The following ROBO2 variants were observed in gnomAD, a reference collection of about 807,000 sequenced individuals.
The protein encoded by ROBO2 is roundabout guidance receptor 2, also known as roundabout homolog 2.
A neutral mutation model predicts 160.8 loss-of-function variants in ROBO2; 53 were observed. The observed-to-expected ratio is 0.33, with a 90% CI of 0.26 to 0.41. The LOEUF is 0.41. ROBO2 is among the 10% of genes least tolerant of loss of function. The pLI, the probability that ROBO2 is intolerant of heterozygous loss-of-function variation, is 1.00. For synonymous variants in ROBO2, 664 were observed against 611.7 expected (o/e 1.09, Z -1.26); for missense variants, 1,577 against 1,722.4 (o/e 0.92, Z 1.49).
rs113068361 is a variant in ROBO2 at position 76,541,082 on chromosome 3, G to C, written c.110-556932G>C. Among the ~76,000 whole-genome samples, 1,197 of 152,312 alleles carry C rather than the reference G, an allele frequency of 7.9e-3. 17 individuals are homozygous for C. Among genetic ancestry groups the C allele is most frequent in the African/African-American group, 0.026 (1,095 of 41,550 alleles). On this transcript the variant is annotated intron_variant, in intron 2 of 26. Coordinates refer to the ROBO2 transcript ENST00000487694. ...CCCAGAATGCTGTGACTACAGGCATGAGCCATCAAATGAAGCCAATTCGAC... is the reference window on the plus strand; with the variant it reads ...CCCAGAATGCTGTGACTACAGGCATCAGCCATCAAATGAAGCCAATTCGAC...
intron 5 of ROBO2, among the ~76,000 whole-genome samples, chr3:77,516,621 A>G (rs529888905): frequency 8.6e-5 from 13 of 151,756 alleles, no homozygotes; most frequent in Non-Finnish European, 1.3e-4. Context: ...TTTATTAATG[A>G]TAATATGTAA....
chr3:76,346,978 G>A (rs150450459), intron 2 of ROBO2, among the ~76,000 whole-genome samples: 1 of 152,178 alleles, frequency 6.6e-6, no homozygotes, highest in East Asian at 1.9e-4. Flanking sequence ...GCTTGAAGAA[G>A]GTTATGCCTA....
At chr3:77,034,551 C>A (rs1189346490) in intron 2 of ROBO2, among the ~76,000 whole-genome samples, 1 of 151,828 alleles carries the variant, frequency 6.6e-6, no homozygotes, top group African/African-American at 2.4e-5. Context: ...ATTACATGTA[C>A]CCTTGGATTA....
intron 2 of ROBO2, among the ~76,000 whole-genome samples, chr3:76,031,380 C>T (rs535398887): frequency 1.1e-4 from 17 of 152,256 alleles, no homozygotes; most frequent in African/African-American, 3.1e-4. Context: ...ATTGCCCTGG[C>T]CAGAACTTCC....
At chr3:77,563,503 A>G (rs2093392960) in intron 11 of ROBO2, among the ~76,000 whole-genome samples, 174 bp downstream of exon 12, 1 of 152,174 alleles carries the variant, frequency 6.6e-6, no homozygotes, top group Non-Finnish European at 1.5e-5. Context: ...TTTAGTTTAC[A>G]ACTTAATTAT....
chr3:76,516,160 T>C (rs1472260529), intron 2 of ROBO2, among the ~76,000 whole-genome samples: 1 of 152,172 alleles, frequency 6.6e-6, no homozygotes, highest in African/African-American at 2.4e-5. Context: ...AATAGATTTG[T>C]TACAATCTTG....
intron 2 of ROBO2, among the ~76,000 whole-genome samples, chr3:76,220,214 T>C (rs1253835457): frequency 6.7e-6 from 1 of 149,962 alleles, no homozygotes; most frequent in Non-Finnish European, 1.5e-5. Flanking sequence ...CATTAGGAGA[T>C]ATACCTAATG....
intron 2 of ROBO2, among the ~76,000 whole-genome samples, chr3:75,980,256 C>T (rs946351864): frequency 6.6e-6 from 1 of 151,562 alleles, no homozygotes; most frequent in African/African-American, 2.4e-5. Flanking sequence ...ATGAGCCTCC[C>T]TCTCTGCCTT....
intron 2 of ROBO2, among the ~76,000 whole-genome samples, chr3:76,598,065 T>C (rs1279869261): frequency 2.6e-5 from 4 of 151,922 alleles, no homozygotes; most frequent in African/African-American, 9.7e-5. Flanking sequence ...TGTACATACC[T>C]ACCAGGAAAT....
chr3:77,643,677 C>T (rs2095379690), intron 24 of ROBO2, among the ~76,000 whole-genome samples: 1 of 152,248 alleles, frequency 6.6e-6, no homozygotes, highest in African/African-American at 2.4e-5. Flanking sequence ...TACACATACA[C>T]ACAATCTTTG....
At chr3:76,953,875 A>T (rs952001096) in intron 2 of ROBO2, among the ~76,000 whole-genome samples, 1 of 152,114 alleles carries the variant, frequency 6.6e-6, no homozygotes, top group Non-Finnish European at 1.5e-5. Flanking sequence ...ACCATTTTAC[A>T]TTTAAAGGCC....
chr3:76,638,761 T>G (rs2109626879), intron 2 of ROBO2, among the ~76,000 whole-genome samples: 1 of 152,292 alleles, frequency 6.6e-6, no homozygotes, highest in African/African-American at 2.4e-5. Context: ...TAACAGGTAT[T>G]TGGCTGGTTT....
At chr3:76,027,195 A>C (rs2066775411) in intron 2 of ROBO2, among the ~76,000 whole-genome samples, 1 of 151,954 alleles carries the variant, frequency 6.6e-6, no homozygotes, top group African/African-American at 2.4e-5. Context: ...TAACAGCATA[A>C]GCTGTTTTCA....
intron 2 of ROBO2, among the ~76,000 whole-genome samples, chr3:76,343,695 GGT>G (rs1268234484): frequency 6.6e-6 from 1 of 152,024 alleles, no homozygotes; most frequent in Admixed American, 6.6e-5. Flanking sequence ...ATGCAGTATT[GGT>G]GTGGTGAGAT....
intron 1 of ROBO2, among the ~76,000 whole-genome samples, chr3:77,078,902 G>A (rs1457780027): frequency 6.6e-6 from 1 of 152,120 alleles, no homozygotes; most frequent in African/African-American, 2.4e-5. Flanking sequence ...TCTTACTCTT[G>A]CCAGAATTGT....
At chr3:76,368,024 A>G (rs1009899296) in intron 2 of ROBO2, among the ~76,000 whole-genome samples, 1 of 151,946 alleles carries the variant, frequency 6.6e-6, no homozygotes, top group African/African-American at 2.4e-5. Context: ...TATGGTAAAT[A>G]TTGCATTTTT....
chr3:76,348,218 T>G (rs139626470), intron 2 of ROBO2, among the ~76,000 whole-genome samples: 3 of 152,232 alleles, frequency 2.0e-5, no homozygotes, highest in African/African-American at 7.2e-5. Flanking sequence ...ACAGTCAGTA[T>G]CAGTCTTCAT....
At chr3:76,435,657 ACCATGCCG>A (rs938703701) in intron 2 of ROBO2, among the ~76,000 whole-genome samples, 1 of 152,100 alleles carries the variant, frequency 6.6e-6, no homozygotes, top group African/African-American at 2.4e-5. Flanking sequence ...TATCAGCTCA[ACCATGCCG>A]CCAGTCCATT....
At chr3:76,423,949 G>A (rs2076103637) in intron 2 of ROBO2, among the ~76,000 whole-genome samples, 1 of 152,154 alleles carries the variant, frequency 6.6e-6, no homozygotes, top group Non-Finnish European at 1.5e-5. Flanking sequence ...AATCCACTTT[G>A]GTGTGATGAA....
Sources: gnomAD v4.1 joint callset for allele counts (sites outside exome capture counted in the v4.1 genomes callset) on GRCh38, gnomAD v4.1.1 for gene constraint, MANE v1.5 for transcripts, NCBI Gene and HGNC (gene_info 2026-07-23, HGNC 2026-07-21) for gene names.